Variants in RBPMS2 observed in about 807,000 individuals in gnomAD.
RBPMS2 encodes RNA-binding protein with multiple splicing 2.
RBPMS2 carries 14 observed loss-of-function variants against 25.7 expected under a neutral mutation model. That is an observed-to-expected ratio of 0.55 (90% CI 0.36 to 0.85). The LOEUF is 0.85. Among genes scored for constraint, RBPMS2 ranks in the 40% least tolerant of loss-of-function variants. The pLI is 0.01. For synonymous variants in RBPMS2, 127 were observed against 115.6 expected (o/e 1.10, Z -0.63); for missense variants, 252 against 283.4 (o/e 0.89, Z 0.80).
chr15:64,752,188 C>A (rs375080338), intron 1 of RBPMS2, among the ~76,000 whole-genome samples: 1 of 152,034 alleles, frequency 6.6e-6, no homozygotes, highest in Admixed American at 6.6e-5. Flanking sequence ...AGCTGCAGTG[C>A]CTGACCCCCC....
chr15:64,746,622 G>A (rs1017246445), intron 6 of RBPMS2, among the ~76,000 whole-genome samples: 10 of 152,192 alleles, frequency 6.6e-5, no homozygotes, highest in African/African-American at 2.4e-4. Context: ...ACAGGAGGAA[G>A]GAAGCCCTGT....
intron 1 of RBPMS2, among the ~76,000 whole-genome samples, chr15:64,760,601 G>A (rs1007574989): frequency 6.6e-6 from 1 of 151,782 alleles, no homozygotes; most frequent in African/African-American, 2.4e-5. Context: ...AGGAGTTCTA[G>A]ACCAGCCTGG....
intron 1 of RBPMS2, among the ~76,000 whole-genome samples, chr15:64,767,115 T>C (rs2083853848): frequency 6.6e-6 from 1 of 152,092 alleles, no homozygotes; most frequent in South Asian, 2.1e-4. Flanking sequence ...TCTTTTTTTT[T>C]GAGACAGGGG....
At position 64,744,751 on chromosome 15, in the gene RBPMS2, T is replaced by TATTATTTA. The variant is rs377373104; in HGVS notation, c.568-3517_568-3510dup. Among the ~76,000 whole-genome samples the TATTATTTA allele has an allele frequency of 6.9e-3, 1,043 of 150,104 alleles. 15 individuals carry two copies. Among genetic ancestry groups the TATTATTTA allele is most frequent in the African/African-American group, 0.025 (1,004 of 40,974 alleles). On this transcript the variant is annotated intron_variant, in intron 6 of 7. Coordinates refer to ENST00000300069, the MANE Select transcript of RBPMS2 (RefSeq NM_194272.3). ...ATCCAAAATGTAGAGCTACACTTACTATTATTTATTTTAAGTCCTAATATT... is the reference window on the plus strand; with the variant it reads ...ATCCAAAATGTAGAGCTACACTTACTATTATTTAATTATTTATTTTAAGTCCTAATATT...
At chr15:64,774,731 GAGCC>G (rs1299007090) in intron 1 of RBPMS2, among the ~76,000 whole-genome samples, 53 of 6,836 alleles carry the variant, frequency 7.8e-3, no homozygotes, top group Non-Finnish European at 0.022. Flanking sequence ...AGGAACCGAG[GAGCC>G]GGCCGGCCCA....
At chr15:64,772,499 C>T (rs1261751817) in intron 1 of RBPMS2, among the ~76,000 whole-genome samples, 1 of 151,830 alleles carries the variant, frequency 6.6e-6, no homozygotes, top group Non-Finnish European at 1.5e-5. Flanking sequence ...CCAATTTTCC[C>T]GTAATACCAC....
At chr15:64,751,290 G>A (rs2083676789) in intron 2 of RBPMS2, among the ~76,000 whole-genome samples, 1 of 150,910 alleles carries the variant, frequency 6.6e-6, no homozygotes, top group African/African-American at 2.4e-5. Flanking sequence ...CCGAGATCAA[G>A]CCACTGCACT....
chr15:64,749,296 C>T, intron 4 of RBPMS2, 135 bp downstream of exon 4: 1 of 1,318,404 alleles, frequency 7.6e-7, no homozygotes, highest in Non-Finnish European at 1.1e-6. Context: ...CAGCTCAGGC[C>T]TTGAGTAATG....
At chr15:64,752,414 C>T (rs981291566) in intron 1 of RBPMS2, among the ~76,000 whole-genome samples, 1 of 152,090 alleles carries the variant, frequency 6.6e-6, no homozygotes. Context: ...CTTTCTCATC[C>T]ATCTCCTGCT....
chr15:64,775,105 G>A (rs1328253950), intron 1 of RBPMS2, 128 bp downstream of exon 1: 3 of 404,586 alleles, frequency 7.4e-6, no homozygotes, highest in East Asian at 9.8e-5. Flanking sequence ...GGGCGAGAGG[G>A]CAGCGGCGGG....
intron 1 of RBPMS2, among the ~76,000 whole-genome samples, 161 bp downstream of exon 1, chr15:64,775,072 G>T (rs2083920445): frequency 6.6e-6 from 1 of 150,778 alleles, no homozygotes; most frequent in Non-Finnish European, 1.5e-5. Flanking sequence ...GCTCCCGCCC[G>T]CGGACACGGG....
intron 1 of RBPMS2, 91 bp downstream of exon 1, chr15:64,775,142 G>T: frequency 1.5e-6 from 1 of 676,164 alleles, no homozygotes; most frequent in Non-Finnish European, 2.0e-6. Flanking sequence ...TGGCCACCCC[G>T]GCCCCGCGAG....
chr15:64,760,960 C>T (rs1192825612), intron 1 of RBPMS2, among the ~76,000 whole-genome samples: 2 of 151,618 alleles, frequency 1.3e-5, no homozygotes, highest in African/African-American at 4.8e-5. Flanking sequence ...CTGTAAATTC[C>T]TGTCTCACAG....
chr15:64,768,676 A>T (rs909707592), intron 1 of RBPMS2, among the ~76,000 whole-genome samples: 2 of 151,048 alleles, frequency 1.3e-5, no homozygotes, highest in Non-Finnish European at 2.9e-5. Context: ...TGGTGCTGGT[A>T]GTCCTACCTA....
intron 6 of RBPMS2, among the ~76,000 whole-genome samples, chr15:64,742,732 C>T (rs2141052765): frequency 6.6e-6 from 1 of 152,298 alleles, no homozygotes; most frequent in African/African-American, 2.4e-5. Context: ...AGGGGCAGCA[C>T]ATGAGCGTGT....
rs117396048 is a variant in RBPMS2 at position 64,745,225 on chromosome 15, A to G, written c.567+3194T>C. ...AACTACCTATCGAACTGAAGAATTA[A>G]AAGTACAGGTTTTCTGGGGATTGGA... On this transcript the variant is annotated intron_variant, in intron 6 of 7. Coordinates refer to ENST00000300069, the MANE Select transcript of RBPMS2 (RefSeq NM_194272.3). Among the ~76,000 whole-genome samples the G allele has an allele frequency of 5.3e-4, 80 of 152,342 alleles. No individual in the cohort carries two copies. In the East Asian group the frequency reaches 0.012, roughly 22 times the overall value.
intron 1 of RBPMS2, among the ~76,000 whole-genome samples, chr15:64,773,011 C>T (rs1346320379): frequency 6.6e-6 from 1 of 152,198 alleles, no homozygotes; most frequent in Non-Finnish European, 1.5e-5. Flanking sequence ...AATACACTCC[C>T]TTCGCCAGTG....
chr15:64,744,876 G>C (rs1246077440), intron 6 of RBPMS2, among the ~76,000 whole-genome samples: 1 of 116,012 alleles, frequency 8.6e-6, no homozygotes, highest in South Asian at 3.0e-4. Flanking sequence ...GTGCAGTGGC[G>C]CGATCTTGGC....
intron 1 of RBPMS2, among the ~76,000 whole-genome samples, chr15:64,774,021 T>C (rs182199714): frequency 6.6e-6 from 1 of 152,194 alleles, no homozygotes; most frequent in African/African-American, 2.4e-5. Flanking sequence ...GATCCAAACC[T>C]AGATTGTCAT....
Sources: allele counts gnomAD v4.1 joint callset (sites outside exome capture counted in the v4.1 genomes callset), GRCh38; gene constraint gnomAD v4.1.1; transcripts MANE v1.5; gene names NCBI Gene and HGNC (gene_info 2026-07-23, HGNC 2026-07-21).